The following MDGA2 variants were observed in gnomAD, a reference collection of about 807,000 sequenced individuals.
MDGA2 encodes the protein MAM domain-containing glycosylphosphatidylinositol anchor protein 2.
MDGA2 carries 40 observed loss-of-function variants against 117.8 expected under a neutral mutation model. That is an observed-to-expected ratio of 0.34 (90% confidence interval 0.26 to 0.44). The LOEUF (loss-of-function observed/expected upper bound fraction) is 0.44. Ranked by LOEUF, MDGA2 falls within the 20% of genes least tolerant of loss-of-function variation. The pLI, the probability that MDGA2 is intolerant of heterozygous loss-of-function variation, is 1.00. For synonymous variants in MDGA2, 452 were observed against 439.0 expected, an observed-to-expected ratio of 1.03 and a Z score of -0.37; for missense variants, 1,123 against 1,250.6, an observed-to-expected ratio of 0.90 and a Z score of 1.54.
rs1407690473 is a variant in MDGA2 at position 47,550,459 on chromosome 14, C to G, written c.280+124058G>C. 4.6e-5 allele frequency among the ~76,000 whole-genome samples: 7 copies of G among 152,132 alleles called. No homozygotes were observed. The East Asian group carries it at 1.3e-3, about 29-fold the overall frequency. On this transcript the variant is annotated intron_variant, in intron 1 of 16. Transcript: ENST00000399232. ...GTATCAAGCATATAAAAGCCATACT[C>G]TATAAATATAAAACCACTATCACAG...
In MDGA2 at chr14:47,674,763, C is replaced by A; in HGVS notation, c.34G>T (p.Ala12Ser). ...GTCCTTCCCCGGCGGCGGCGGCGAG[C>A]GGAGCGCAGGAGCCCCGCACTCCAC... The part of the protein sequence containing the change: ...SVWSAGLLRS[A>S]RRRRRGRTDG... The change falls in exon 1 of 17, where the codon GCT (alanine) becomes TCT (serine). Residue 12 changes from alanine (A) to serine (S), a missense_variant. By Grantham distance (99) the Ala-to-Ser change is moderately conservative. Transcript: ENST00000399232. 2 of 702,260 alleles carry A rather than the reference C, an allele frequency of 2.8e-6. No homozygotes were observed. The highest frequency in any genetic ancestry group is 2.6e-6 in the Non-Finnish European group (1 of 387,874). 43.5% of individuals were successfully genotyped at this position (702,260 alleles called of 1,614,324 possible).
At chr14:47,025,471 G>T (rs1267939407) in intron 8 of MDGA2, among the ~76,000 whole-genome samples, 1 of 152,060 alleles carries the variant, frequency 6.6e-6, no homozygotes, top group African/African-American at 2.4e-5. Flanking sequence ...TGAGGATTCT[G>T]CCAGAGTTCC....
chr14:47,627,273 T>C (rs1396032200), intron 1 of MDGA2, among the ~76,000 whole-genome samples: 1 of 151,914 alleles, frequency 6.6e-6, no homozygotes, highest in Non-Finnish European at 1.5e-5. Context: ...TTGGAGAACC[T>C]TTATGTCTAG....
chr14:47,674,080 G>A (rs1898126842), intron 1 of MDGA2, among the ~76,000 whole-genome samples: 1 of 151,624 alleles, frequency 6.6e-6, no homozygotes, highest in Non-Finnish European at 1.5e-5. Context: ...AAAGGAAAAG[G>A]TGGAGAGGAG....
intron 3 of MDGA2, among the ~76,000 whole-genome samples, chr14:47,193,270 T>C (rs1342669074): frequency 6.6e-6 from 1 of 152,196 alleles, no homozygotes; most frequent in African/African-American, 2.4e-5. Flanking sequence ...TGCCACTGAA[T>C]GTAGCATCTT....
At chr14:47,302,468 C>A (rs552381074) in intron 1 of MDGA2, among the ~76,000 whole-genome samples, 1 of 152,168 alleles carries the variant, frequency 6.6e-6, no homozygotes, top group East Asian at 1.9e-4. Flanking sequence ...CAGTTAAAGG[C>A]AAGTGGAAAG....
intron 1 of MDGA2, chr14:47,343,009 G>T: frequency 8.3e-7 from 1 of 1,208,304 alleles, no homozygotes; most frequent in Non-Finnish European, 1.1e-6. Flanking sequence ...CCTCAGGGGA[G>T]TCAGCCACAG....
In MDGA2 at chr14:47,071,498, C is replaced by T. The variant is rs1890279490; in HGVS notation, c.1196-9920G>A. On this transcript the variant is annotated intron_variant, in intron 6 of 16. Transcript: ENST00000399232. ...TTTTGAAAAAGTATACCCTACCTTTCCTTAGGTGTGTTTAAAGTATATTTT... is the reference window on the plus strand; with the variant it reads ...TTTTGAAAAAGTATACCCTACCTTTTCTTAGGTGTGTTTAAAGTATATTTT... 1.3e-5 allele frequency among the ~76,000 whole-genome samples: 2 copies of T among 151,662 alleles called. 1 individual carries two copies. Among genetic ancestry groups the T allele is most frequent in the South Asian group, 4.1e-4 (2 of 4,820 alleles).
At chr14:47,200,557 T>TAACA in intron 3 of MDGA2, 1 of 695,476 alleles carries the variant, frequency 1.4e-6, no homozygotes, top group Non-Finnish European at 2.2e-6. Context: ...TTTGAGGAGT[T>TAACA]AACAGTCTTT....
intron 7 of MDGA2, among the ~76,000 whole-genome samples, chr14:47,044,447 T>C (rs1252111727): frequency 6.6e-6 from 1 of 152,162 alleles, no homozygotes; most frequent in Non-Finnish European, 1.5e-5. Flanking sequence ...TAGTTGGCCC[T>C]ATGATAGAAT....
intron 3 of MDGA2, among the ~76,000 whole-genome samples, chr14:47,152,666 A>T (rs1269638952): frequency 6.6e-6 from 1 of 152,082 alleles, no homozygotes; most frequent in Non-Finnish European, 1.5e-5. Flanking sequence ...CCTACAGTTC[A>T]TGAGTCAAAA....
chr14:47,174,118 C>A (rs1391948906), intron 3 of MDGA2, among the ~76,000 whole-genome samples: 4 of 152,106 alleles, frequency 2.6e-5, no homozygotes, highest in Non-Finnish European at 5.9e-5. Flanking sequence ...TATATATGCA[C>A]CCAATACAGG....
chr14:47,540,436 T>G (rs1276617017), intron 1 of MDGA2, among the ~76,000 whole-genome samples: 1 of 151,726 alleles, frequency 6.6e-6, no homozygotes, highest in East Asian at 1.9e-4. Flanking sequence ...TCTTAAGCAT[T>G]TATCACCAAC....
intron 6 of MDGA2, among the ~76,000 whole-genome samples, chr14:47,069,839 A>T (rs1179745541): frequency 6.6e-6 from 1 of 152,230 alleles, no homozygotes; most frequent in Non-Finnish European, 1.5e-5. Context: ...CAAATAAAAT[A>T]ACTTAGATAT....
At chr14:47,266,008 G>A (rs1228428675) in intron 2 of MDGA2, among the ~76,000 whole-genome samples, 1 of 152,020 alleles carries the variant, frequency 6.6e-6, no homozygotes, top group Admixed American at 6.6e-5. Flanking sequence ...CAAGGCATGG[G>A]TCTAGGATTA....
chr14:46,861,081 C>T (rs950815808), intron 14 of MDGA2, among the ~76,000 whole-genome samples: 7 of 151,712 alleles, frequency 4.6e-5, no homozygotes, highest in African/African-American at 1.4e-4. Context: ...TTCTCTTATA[C>T]CCTTTCATAT....
In MDGA2 at chr14:47,132,575, A is replaced by G. The variant is rs538139890; in HGVS notation, c.793-729T>C. On this transcript the variant is annotated intron_variant, in intron 4 of 16. Transcript: ENST00000399232. ...CTTGATGAACCAAGAAAGACTTTGT[A>G]AAAACATTGGATTGAAATTGTTGAA... Among the ~76,000 whole-genome samples, 11 of 152,036 alleles carry G rather than the reference A, an allele frequency of 7.2e-5. 1 individual carries two copies. The highest frequency in any genetic ancestry group is 2.6e-4 in the African/African-American group (11 of 41,564).
intron 1 of MDGA2, among the ~76,000 whole-genome samples, chr14:47,609,428 C>CACATATATATAT (rs1477357010): frequency 1.1e-3 from 19 of 17,562 alleles, no homozygotes; most frequent in Non-Finnish European, 2.4e-3. Context: ...AGTATTCCAT[C>CACATATATATAT]ATATATATAT....
chr14:47,236,164 G>A (rs1425035260), intron 2 of MDGA2, among the ~76,000 whole-genome samples: 3 of 151,474 alleles, frequency 2.0e-5, no homozygotes, highest in Non-Finnish European at 4.4e-5. Context: ...AGTGGCGGGC[G>A]CCTGTAGTCC....
Sources: gnomAD v4.1 joint callset for allele counts (sites outside exome capture counted in the v4.1 genomes callset) on GRCh38, gnomAD v4.1.1 for gene constraint, MANE v1.5 for transcripts, NCBI Gene and HGNC (gene_info 2026-07-23, HGNC 2026-07-21) for gene names.